Variants in GAP43 observed in about 807,000 individuals in gnomAD.
GAP43 encodes growth associated protein 43.
Under a neutral mutation model 18.6 loss-of-function variants are expected in GAP43, and 6 were observed. The observed-to-expected ratio is 0.32, with a 90% CI of 0.18 to 0.64. The LOEUF (loss-of-function observed/expected upper bound fraction) is 0.64. GAP43 is among the 30% of genes least tolerant of loss of function. The pLI is 0.78. For missense variants in GAP43, 292 were observed against 295.5 expected, an observed-to-expected ratio of 0.99 and a Z score of 0.09; for synonymous variants, 115 against 111.4, an observed-to-expected ratio of 1.03 and a Z score of -0.20.
rs960200465 is a variant in GAP43 at position 115,661,002 on chromosome 3, T to C, written c.31-15011T>C. The stretch of plus-strand genomic sequence containing the variant: ...CCAGATCTAAGATTGTTAGAAATAG[T>C]CCCTAGAGACAGGTGTCTTGAGCTG... On this transcript the variant is annotated intron_variant, in intron 1 of 2. Coordinates refer to ENST00000305124, the MANE Select transcript of GAP43 (RefSeq NM_002045.4). Among the ~76,000 whole-genome samples the C allele has an allele frequency of 5.9e-5, 9 of 152,324 alleles. No homozygotes were observed. In the East Asian group the frequency reaches 1.7e-3, roughly 29 times the overall value.
At chr3:115,720,656 A>G in intron 2 of GAP43, 138 bp from the exon 3 acceptor site, 2 of 564,908 alleles carry the variant, frequency 3.5e-6, no homozygotes, top group Non-Finnish European at 6.4e-6. Flanking sequence ...TAACTGGGAT[A>G]TTAATAATCT....
chr3:115,679,366 G>T (rs1708931390), intron 2 of GAP43, among the ~76,000 whole-genome samples: 1 of 152,070 alleles, frequency 6.6e-6, no homozygotes, highest in South Asian at 2.1e-4. Flanking sequence ...TGTTTGTTAT[G>T]GGGGGATGTC....
At chr3:115,706,371 A>G (rs549889799) in intron 2 of GAP43, among the ~76,000 whole-genome samples, 3 of 146,124 alleles carry the variant, frequency 2.1e-5, no homozygotes, top group East Asian at 4.2e-4. Context: ...TAACTTGCCT[A>G]TTGGATGCAA....
chr3:115,691,874 GA>G (rs971692727), intron 2 of GAP43, among the ~76,000 whole-genome samples: 10 of 151,854 alleles, frequency 6.6e-5, no homozygotes, highest in African/African-American at 2.4e-4. Context: ...GGATTCAATA[GA>G]AAAGGTTGGG....
At chr3:115,682,742 G>A (rs1385269900) in intron 2 of GAP43, among the ~76,000 whole-genome samples, 1 of 152,098 alleles carries the variant, frequency 6.6e-6, no homozygotes, top group Non-Finnish European at 1.5e-5. Flanking sequence ...TTACCATGTT[G>A]GTCAGGCTGG....
At chr3:115,710,761 A>C (rs1709425099) in intron 2 of GAP43, among the ~76,000 whole-genome samples, 1 of 152,182 alleles carries the variant, frequency 6.6e-6, no homozygotes, top group African/African-American at 2.4e-5. Flanking sequence ...TAATAATAAA[A>C]TTCTGTTAAA....
At chr3:115,695,289 G>T (rs2107361513) in intron 2 of GAP43, among the ~76,000 whole-genome samples, 1 of 152,288 alleles carries the variant, frequency 6.6e-6, no homozygotes, top group East Asian at 1.9e-4. Context: ...TTCAATGCAA[G>T]TCTGTCATCA....
At chr3:115,682,390 C>T (rs1708968798) in intron 2 of GAP43, among the ~76,000 whole-genome samples, 1 of 152,152 alleles carries the variant, frequency 6.6e-6, no homozygotes, top group Non-Finnish European at 1.5e-5. Context: ...TAGGCAATTG[C>T]TACCCTAAGT....
intron 2 of GAP43, among the ~76,000 whole-genome samples, chr3:115,688,025 A>ATTTG (rs1202389256): frequency 6.6e-6 from 1 of 151,526 alleles, no homozygotes; most frequent in Non-Finnish European, 1.5e-5. Flanking sequence ...TTATTTATTT[A>ATTTG]TTTATGTTTG....
intron 1 of GAP43, among the ~76,000 whole-genome samples, chr3:115,647,660 A>G (rs1488986299): frequency 1.3e-5 from 2 of 150,794 alleles, no homozygotes; most frequent in Non-Finnish European, 3.0e-5. Context: ...AATAGTGGAG[A>G]GTGTTTGATG....
intron 1 of GAP43, among the ~76,000 whole-genome samples, chr3:115,632,223 C>G (rs1708268938): frequency 6.6e-6 from 1 of 151,960 alleles, no homozygotes; most frequent in East Asian, 1.9e-4. Flanking sequence ...ATGCTGTGCT[C>G]ACATCCATCA....
intron 2 of GAP43, 61 bp downstream of exon 2, chr3:115,676,671 G>C (rs1175755287): frequency 1.4e-6 from 2 of 1,457,180 alleles, no homozygotes; most frequent in Non-Finnish European, 1.8e-6. Context: ...CTATTCGGAA[G>C]ACCAGGCCAC....
chr3:115,696,212 A>G (rs545354057), intron 2 of GAP43, among the ~76,000 whole-genome samples: 2 of 152,076 alleles, frequency 1.3e-5, no homozygotes, highest in Admixed American at 6.5e-5. Context: ...TTGAAAACCA[A>G]ACTTCTGTCT....
In GAP43 at chr3:115,699,164, C is replaced by A. The variant is rs555877182; in HGVS notation, c.629-21630C>A. Among the ~76,000 whole-genome samples, 5 of 152,290 alleles carry A rather than the reference C, an allele frequency of 3.3e-5. No homozygotes were observed. In the East Asian group the frequency reaches 9.6e-4, roughly 29 times the overall value. On this transcript the variant is annotated intron_variant, in intron 2 of 2. Coordinates refer to ENST00000305124, the MANE Select transcript of GAP43 (RefSeq NM_002045.4). ...GGTTGATGAGAATACAATCATTCTA[C>A]CTCCGCTATTCATCTTGAGCATCCT... is the stretch of plus-strand genomic sequence containing the variant.
At chr3:115,626,768 C>A (rs1473396705) in intron 1 of GAP43, among the ~76,000 whole-genome samples, 1 of 152,158 alleles carries the variant, frequency 6.6e-6, no homozygotes, top group East Asian at 1.9e-4. Context: ...CCCAGCCCCC[C>A]ATCCATGCCA....
chr3:115,628,699 C>G (rs547146714), intron 1 of GAP43, among the ~76,000 whole-genome samples: 1 of 152,222 alleles, frequency 6.6e-6, no homozygotes, highest in Admixed American at 6.5e-5. Context: ...CCTGCTCAGT[C>G]TCCTTATAGG....
At chr3:115,664,985 AT>A (rs918428909) in intron 1 of GAP43, among the ~76,000 whole-genome samples, 2 of 151,470 alleles carry the variant, frequency 1.3e-5, no homozygotes, top group South Asian at 2.1e-4. Context: ...TGCTCTTTTT[AT>A]TTTTTTTTAA....
In GAP43 at chr3:115,649,727, G is replaced by C. The variant is rs147064096; in HGVS notation, c.30+26008G>C. Among the ~76,000 whole-genome samples, 156 of 150,882 alleles carry C rather than the reference G, an allele frequency of 1.0e-3. 1 individual carries two copies. Among genetic ancestry groups the C allele is most frequent in the Middle Eastern group, 3.4e-3 (1 of 290 alleles). On this transcript the variant is annotated intron_variant, in intron 1 of 2. Coordinates refer to ENST00000305124, the MANE Select transcript of GAP43 (RefSeq NM_002045.4). The stretch of plus-strand genomic sequence containing the variant: ...GTGATGATTCCCACCTTTAATCCCA[G>C]CTACTCAGTAGGGTGAAGCAGGAGA...
At chr3:115,699,201 C>G (rs114077237) in intron 2 of GAP43, among the ~76,000 whole-genome samples, 5 of 152,264 alleles carry the variant, frequency 3.3e-5, no homozygotes, top group Admixed American at 1.3e-4. Flanking sequence ...CATCCTGACA[C>G]CTGCTGAGTA....
Sources: allele counts gnomAD v4.1 joint callset (sites outside exome capture counted in the v4.1 genomes callset), GRCh38; gene constraint gnomAD v4.1.1; transcripts MANE v1.5; gene names NCBI Gene and HGNC (gene_info 2026-07-23, HGNC 2026-07-21).